ADGRB2: variants seen among roughly 807,000 people sequenced by gnomAD.
ADGRB2 encodes adhesion G protein-coupled receptor B2, also known as brain-specific angiogenesis inhibitor 2.
In ADGRB2, 47 loss-of-function variants were observed where a neutral mutation model predicts 178.7. The observed-to-expected ratio is 0.26, with a 90% CI of 0.21 to 0.34. The LOEUF is 0.34. Ranked by LOEUF, ADGRB2 falls within the 10% of genes least tolerant of loss-of-function variation. The pLI, the probability that ADGRB2 is intolerant of heterozygous loss-of-function variation, is 1.00. For missense variants in ADGRB2, 1,584 were observed against 2,180.8 expected, an observed-to-expected ratio of 0.73 and a Z score of 5.45; for synonymous variants, 870 against 912.4, an observed-to-expected ratio of 0.95 and a Z score of 0.84.
At chr1:31,729,772 C>A (rs1645182250) in intron 29 of ADGRB2, among the ~76,000 whole-genome samples, 1 of 152,262 alleles carries the variant, frequency 6.6e-6, no homozygotes. Context: ...TCAACAGTGG[C>A]CGGCAGGCAG....
chr1:31,742,204 C>T lies in ADGRB2; in HGVS notation c.1266G>A (p.Trp422Ter). The change falls in exon 8 of 33, where the codon TGG becomes TGA. Residue 422 changes from tryptophan to a stop codon, truncating the protein, a stop_gained. Transcript: ENST00000373658. LOFTEE classifies it high-confidence loss of function. ...SMAACPVEGQ[W>*]LEWGPWGPCS... The stretch of plus-strand genomic sequence containing the variant: ...ATGGGCCCCAGGGACCCCATTCTAA[C>T]CACTGGCCTTCCACTGCATGGGGAG... The T allele has an allele frequency of 6.2e-7, 1 of 1,604,990 alleles. No homozygotes were observed. The highest frequency in any genetic ancestry group is 8.5e-7 in the Non-Finnish European group (1 of 1,175,186).
At chr1:31,757,859 TA>T (rs1271209716) in intron 1 of ADGRB2, among the ~76,000 whole-genome samples, 4 of 152,104 alleles carry the variant, frequency 2.6e-5, no homozygotes, top group Non-Finnish European at 5.9e-5. Flanking sequence ...TACCTTCCCT[TA>T]AAGTGCTGCC....
chr1:31,761,018 G>A lies in ADGRB2; in HGVS notation c.-191+2866C>T, dbSNP rs1647026760. ...GGACAAGGGGCAGCCCTCGGCCCCT[G>A]GGGGCGGTGCCGCGCGGGCGGCGGG... On this transcript the variant is annotated intron_variant, in intron 1 of 32. Coordinates refer to ENST00000373658, the MANE Select transcript of ADGRB2 (RefSeq NM_001364857.2). This position sits in a 1 kb window ranked among gnomAD's most constrained non-coding sequence, Gnocchi z 4.2. The A allele has an allele frequency of 6.6e-6, 1 of 151,832 alleles. No individual in the cohort carries two copies. Among genetic ancestry groups the A allele is most frequent in the South Asian group, 2.1e-4 (1 of 4,806 alleles). The allele number at this position is 151,832 out of a possible 1,614,324, so 9.4% of individuals were successfully genotyped here. A position where few individuals can be genotyped will look rare whatever the true frequency, so the allele number is the denominator to read the frequency against.
At position 31,733,183 on chromosome 1, in the gene ADGRB2, G is replaced by C. The variant is rs759773019; in HGVS notation, c.3453-40C>G. On this transcript the variant is annotated intron_variant, in intron 25 of 32. Coordinates refer to ENST00000373658, the MANE Select transcript of ADGRB2 (RefSeq NM_001364857.2). The surrounding 1 kb of genome is among the most constrained non-coding windows in gnomAD (Gnocchi z 4.3). ...GCAGAGCCCATCAGAGTGACACTCC[G>C]GGGGACAGGATGGCTTGAGCCTAGG... 6.5e-7 allele frequency: 1 copy of C among 1,547,370 alleles called. No individual in the cohort carries two copies. The highest frequency in any genetic ancestry group is 2.4e-5 in the East Asian group (1 of 41,162).
intron 20 of ADGRB2, 120 bp from the exon 21 acceptor site, chr1:31,736,843 C>G: frequency 7.0e-7 from 1 of 1,438,134 alleles, no homozygotes; most frequent in Non-Finnish European, 9.2e-7. Context: ...CCGCCCCCCA[C>G]AGAGCCCTGC....
At chr1:31,738,793 T>G in intron 16 of ADGRB2, 39 bp downstream of exon 16, 2 of 1,610,172 alleles carry the variant, frequency 1.2e-6, no homozygotes, top group Admixed American at 1.7e-5. Context: ...CCACCCAGGT[T>G]GAGGTGCACC....
intron 29 of ADGRB2, among the ~76,000 whole-genome samples, chr1:31,730,549 C>T (rs1645226153): frequency 6.6e-6 from 1 of 152,174 alleles, no homozygotes; most frequent in Non-Finnish European, 1.5e-5. Flanking sequence ...ACCAGTCACC[C>T]CAAAGTAGGC....
chr1:31,740,321 C>G lies in ADGRB2; in HGVS notation c.1989+26G>C. 1 of 1,606,480 alleles carries G rather than the reference C, an allele frequency of 6.2e-7. No homozygotes were observed. Among genetic ancestry groups the G allele is most frequent in the Non-Finnish European group, 8.5e-7 (1 of 1,174,886 alleles). On this transcript the variant is annotated intron_variant, in intron 12 of 32. Coordinates refer to ENST00000373658, the MANE Select transcript of ADGRB2 (RefSeq NM_001364857.2). The surrounding 1 kb of genome is among the most constrained non-coding windows in gnomAD (Gnocchi z 5.9). Reference sequence around the variant, plus strand: ...CTTCAGTTTGGGCCTTCTCCACCCTCCGCCCTCCTTCCTCCTAGGCAGTAC... The same window carrying G: ...CTTCAGTTTGGGCCTTCTCCACCCTGCGCCCTCCTTCCTCCTAGGCAGTAC...
Position 31,753,589 on chromosome 1 carries a change from C to A in ADGRB2, c.838+2410G>T, listed in dbSNP as rs1012525234. Among the ~76,000 whole-genome samples, 1 of 152,192 alleles carries A rather than the reference C, an allele frequency of 6.6e-6. No individual in the cohort carries two copies. The highest frequency in any genetic ancestry group is 1.5e-5 in the Non-Finnish European group (1 of 68,022). On this transcript the variant is annotated intron_variant, in intron 4 of 32. Transcript: ENST00000373658. The surrounding 1 kb of genome is among the most constrained non-coding windows in gnomAD (Gnocchi z 4.1). ...GGGTCTCACCCTTCCTGCTCACTACCATCCCCACGAATCTTGCTCTCAGTC... is the reference window on the plus strand; with the variant it reads ...GGGTCTCACCCTTCCTGCTCACTACAATCCCCACGAATCTTGCTCTCAGTC...
chr1:31,744,105 A>C lies in ADGRB2; in HGVS notation c.1087+88T>G. 7.0e-7 allele frequency: 1 copy of C among 1,425,480 alleles called. No homozygotes were observed. Among genetic ancestry groups the C allele is most frequent in the East Asian group, 2.5e-5 (1 of 39,422 alleles). The allele number at this position is 1,425,480 out of a possible 1,614,324, so 88.3% of individuals were successfully genotyped here. ...CATTTGTTGAATGAAAGGAGGAGGC[A>C]ACCAACCATTTTGGAGATTAATCTG... On this transcript the variant is annotated intron_variant, in intron 6 of 32. Transcript: ENST00000373658. This position sits in a 1 kb window ranked among gnomAD's most constrained non-coding sequence, Gnocchi z 6.7.
At position 31,754,299 on chromosome 1, in the gene ADGRB2, G is replaced by C. The variant is rs1026648960; in HGVS notation, c.838+1700C>G. On this transcript the variant is annotated intron_variant, in intron 4 of 32. Transcript: ENST00000373658. This position sits in a 1 kb window ranked among gnomAD's most constrained non-coding sequence, Gnocchi z 5.7. Reference sequence around the variant, plus strand: ...ATGGCAGCCCGCCCAGATGGTGCCCGCCCATGAGGGCAGAGCCTTGCTCCG... The same window carrying C: ...ATGGCAGCCCGCCCAGATGGTGCCCCCCCATGAGGGCAGAGCCTTGCTCCG... 6.6e-6 allele frequency among the ~76,000 whole-genome samples: 1 copy of C among 152,234 alleles called. No individual in the cohort carries two copies. Among genetic ancestry groups the C allele is most frequent in the Non-Finnish European group, 1.5e-5 (1 of 68,046 alleles).
chr1:31,735,142 G>A lies in ADGRB2; in HGVS notation c.3452+41C>T. Reference sequence around the variant, plus strand: ...GGGCACTGCCCCCCCCAATTCCTTTGCCCCACCCACCCCCACCGCCCCCCA... The same window carrying A: ...GGGCACTGCCCCCCCCAATTCCTTTACCCCACCCACCCCCACCGCCCCCCA... On this transcript the variant is annotated intron_variant, in intron 25 of 32. Coordinates refer to ENST00000373658, the MANE Select transcript of ADGRB2 (RefSeq NM_001364857.2). The surrounding 1 kb of genome is among the most constrained non-coding windows in gnomAD (Gnocchi z 6.0). 3.0e-6 allele frequency: 1 copy of A among 331,600 alleles called. No individual in the cohort carries two copies. The highest frequency in any genetic ancestry group is 5.7e-5 in the South Asian group (1 of 17,626). 20.5% of individuals were successfully genotyped at this position (331,600 alleles called of 1,614,324 possible). A position where few individuals can be genotyped will look rare whatever the true frequency, so the allele number is the denominator to read the frequency against.
chr1:31,744,457 G>A lies in ADGRB2; in HGVS notation c.923-100C>T, dbSNP rs1646168537. ...CAGTAAGGTGGGGGCAGGCATCAGAGGGCTCCTCCTACCCTGACCCCAAGT... is the reference window on the plus strand; with the variant it reads ...CAGTAAGGTGGGGGCAGGCATCAGAAGGCTCCTCCTACCCTGACCCCAAGT... On this transcript the variant is annotated intron_variant, in intron 5 of 32. Transcript: ENST00000373658. This position sits in a 1 kb window ranked among gnomAD's most constrained non-coding sequence, Gnocchi z 6.7. 3 of 1,494,940 alleles carry A rather than the reference G, an allele frequency of 2.0e-6. No individual in the cohort carries two copies. The highest frequency in any genetic ancestry group is 1.4e-5 in the African/African-American group (1 of 71,192). The allele number at this position is 1,494,940 out of a possible 1,614,324, so 92.6% of individuals were successfully genotyped here. A position where few individuals can be genotyped will look rare whatever the true frequency, so the allele number is the denominator to read the frequency against.
chr1:31,756,132 G>T lies in ADGRB2; in HGVS notation c.705C>A (p.Thr235=). ...CAGCAGGAGGGCCTGGAGATGTGGT[G>T]GTGGTGGAGCCGGCCCCCGCCTCTC... ...CPGEAGAGST[T]TTSPGPPAAH... The change falls in exon 4 of 33, where the codon ACC becomes ACA. Residue 235 remains threonine, a synonymous_variant. Coordinates refer to ENST00000373658, the MANE Select transcript of ADGRB2 (RefSeq NM_001364857.2). The surrounding 1 kb of genome is among the most constrained non-coding windows in gnomAD (Gnocchi z 8.5). The T allele has an allele frequency of 6.2e-7, 1 of 1,613,612 alleles. No homozygotes were observed. The highest frequency in any genetic ancestry group is 8.5e-7 in the Non-Finnish European group (1 of 1,179,908).
Position 31,759,332 on chromosome 1 carries a change from GC to G in ADGRB2, c.-190-1822del. On this transcript the variant is annotated intron_variant, in intron 1 of 32. Coordinates refer to ENST00000373658, the MANE Select transcript of ADGRB2 (RefSeq NM_001364857.2). This position sits in a 1 kb window ranked among gnomAD's most constrained non-coding sequence, Gnocchi z 4.3. ...GACTGAGAACACACATGAGTATCTG[GC>G]CCTCTGAGGCTCAGCATATGACAGC... 1 of 779,682 alleles carries G rather than the reference GC, an allele frequency of 1.3e-6. No individual in the cohort carries two copies. Among genetic ancestry groups the G allele is most frequent in the South Asian group, 1.3e-5 (1 of 74,614 alleles). 48.3% of individuals were successfully genotyped at this position (779,682 alleles called of 1,614,324 possible). A position where few individuals can be genotyped will look rare whatever the true frequency, so the allele number is the denominator to read the frequency against.
In ADGRB2 at chr1:31,741,661, G is replaced by A. The variant is rs369623079; in HGVS notation, c.1650C>T (p.Gly550=). ...GGGGGCACTTGTTGTAGATGATCTC[G>A]CCAGCAGCTGCCTTCTTCCACGTCA... ...MLMTWKKAAA[G]EIIYNKCPPN... is the part of the protein sequence containing the mutation. Residue 550 remains glycine, a synonymous_variant, in exon 10 of 33, where the codon GGC becomes GGT. Coordinates refer to ENST00000373658, the MANE Select transcript of ADGRB2 (RefSeq NM_001364857.2). The surrounding 1 kb of genome is among the most constrained non-coding windows in gnomAD (Gnocchi z 6.5). 5.7e-5 allele frequency: 92 copies of A among 1,613,898 alleles called. No homozygotes were observed. The highest frequency in any genetic ancestry group is 6.9e-5 in the Non-Finnish European group (81 of 1,179,974).
At position 31,761,518 on chromosome 1, in the gene ADGRB2, G is replaced by A. The variant is rs139906710; in HGVS notation, c.-191+2366C>T. Among the ~76,000 whole-genome samples the A allele has an allele frequency of 6.6e-6, 1 of 152,158 alleles. No individual in the cohort carries two copies. The highest frequency in any genetic ancestry group is 1.5e-5 in the Non-Finnish European group (1 of 68,038). The stretch of plus-strand genomic sequence containing the variant: ...TCTTCTCTGTACTTCTCCCACCTCT[G>A]CAGCCTCTACACTTGAACCAAGACC... On this transcript the variant is annotated intron_variant, in intron 1 of 32. Coordinates refer to ENST00000373658, the MANE Select transcript of ADGRB2 (RefSeq NM_001364857.2). The surrounding 1 kb of genome is among the most constrained non-coding windows in gnomAD (Gnocchi z 4.2).
chr1:31,763,907 C>T lies in ADGRB2; in HGVS notation c.-214G>A. On this transcript the variant is annotated 5_prime_UTR_variant, in exon 1 of 33. Transcript: ENST00000373658. ...ACCTGGGCGCCGTCAGCAGCAGGAGCGGGGGCCGGCGCTGGCGGGGGCGGC... is the reference window on the plus strand; with the variant it reads ...ACCTGGGCGCCGTCAGCAGCAGGAGTGGGGGCCGGCGCTGGCGGGGGCGGC... 1.0e-6 allele frequency: 1 copy of T among 985,518 alleles called. No homozygotes were observed. 61.0% of individuals were successfully genotyped at this position (985,518 alleles called of 1,614,324 possible).
chr1:31,728,395 G>A lies in ADGRB2; in HGVS notation c.4417-115C>T. On this transcript the variant is annotated intron_variant, in intron 30 of 32. Transcript: ENST00000373658. This position sits in a 1 kb window ranked among gnomAD's most constrained non-coding sequence, Gnocchi z 6.7. ...ATCCCTCCCTGCTGCCAGCCCCTCT[G>A]GGACAAGACCTAGTTCTCTCTTCAC... is the stretch of plus-strand genomic sequence containing the variant. 7.7e-7 allele frequency: 1 copy of A among 1,295,926 alleles called. No homozygotes were observed. Among genetic ancestry groups the A allele is most frequent in the Non-Finnish European group, 1.1e-6 (1 of 912,274 alleles). 80.3% of individuals were successfully genotyped at this position (1,295,926 alleles called of 1,614,324 possible). A position where few individuals can be genotyped will look rare whatever the true frequency, so the allele number is the denominator to read the frequency against.
Sources: gnomAD v4.1 joint callset for allele counts (sites outside exome capture counted in the v4.1 genomes callset) on GRCh38, gnomAD v4.1.1 for gene constraint, Gnocchi (gnomAD v3.1) non-coding constraint, MANE v1.5 for transcripts, NCBI Gene and HGNC (gene_info 2026-07-23, HGNC 2026-07-21) for gene names.